The following ANP32A variants were observed in gnomAD, a reference collection of about 807,000 sequenced individuals.
ANP32A encodes acidic nuclear phosphoprotein 32 family member A.
ANP32A carries 1 observed loss-of-function variant against 33.9 expected under a neutral mutation model. The ratio of observed to expected loss-of-function variants is 0.03; its 90% CI spans 0.01 to 0.14. ANP32A has a LOEUF of 0.14. Among genes scored for constraint, ANP32A ranks in the 10% least tolerant of loss-of-function variants. The pLI is 1.00. For missense variants in ANP32A, 155 were observed against 306.0 expected (o/e 0.51, Z 3.68); for synonymous variants, 115 against 120.5 (o/e 0.95, Z 0.30).
chr15:68,790,829 T>C (rs1833590690), intron 1 of ANP32A: 1 of 152,216 alleles, frequency 6.6e-6, no homozygotes. Flanking sequence ...TTCTTGGCTG[T>C]GCTGGGGCTC....
At chr15:68,788,010 C>T (rs558415284) in intron 1 of ANP32A, 91 bp from the exon 2 acceptor site, 1 of 1,493,034 alleles carries the variant, frequency 6.7e-7, no homozygotes, top group East Asian at 2.3e-5. Context: ...AACAGGGAGA[C>T]AGACGCAGGA....
At chr15:68,786,930 C>T (rs1042906367) in intron 3 of ANP32A, among the ~76,000 whole-genome samples, 29 of 152,208 alleles carry the variant, frequency 1.9e-4, no homozygotes, top group African/African-American at 6.5e-4. Context: ...TCACACCACA[C>T]GGCTCTCAGT....
At chr15:68,786,074 C>T (rs902781480) in intron 3 of ANP32A, among the ~76,000 whole-genome samples, 2 of 152,080 alleles carry the variant, frequency 1.3e-5, no homozygotes, top group Non-Finnish European at 2.9e-5. Flanking sequence ...CAGCAAGTCC[C>T]GTGAGCATCC....
Position 68,802,472 on chromosome 15 carries a change from T to C in ANP32A, c.55-14553A>G, listed in dbSNP as rs181045403. On this transcript the variant is annotated intron_variant, in intron 1 of 6. Coordinates refer to ENST00000465139, the MANE Select transcript of ANP32A (RefSeq NM_006305.4). The stretch of plus-strand genomic sequence containing the variant: ...CTACATAGTGTGTCATCATTTTTCT[T>C]AACCAGTCTCTTATTGATGAGTATC... Among the ~76,000 whole-genome samples the C allele has an allele frequency of 2.4e-4, 37 of 152,348 alleles. 1 individual carries two copies. Among genetic ancestry groups the C allele is most frequent in the African/African-American group, 8.9e-4 (37 of 41,580 alleles).
intron 1 of ANP32A, chr15:68,818,229 C>G (rs904944068): frequency 8.1e-6 from 2 of 246,876 alleles, no homozygotes; most frequent in Non-Finnish European, 1.7e-5. Flanking sequence ...GCGTGCGGCG[C>G]GAGCCCCGGG....
chr15:68,793,293 G>A (rs559260418), intron 1 of ANP32A, among the ~76,000 whole-genome samples: 170 of 152,320 alleles, frequency 1.1e-3, no homozygotes, highest in Non-Finnish European at 2.0e-3. Flanking sequence ...ACAGTATGAC[G>A]AATAAATGTT....
At chr15:68,782,761 C>A in intron 5 of ANP32A, 195 bp downstream of exon 5, 1 of 1,015,452 alleles carries the variant, frequency 9.8e-7, no homozygotes, top group Non-Finnish European at 1.4e-6. Context: ...AATCCAGCCT[C>A]CCCAGAGCTT....
chr15:68,818,350 CG>C, intron 1 of ANP32A: 1 of 183,046 alleles, frequency 5.5e-6, no homozygotes, highest in Non-Finnish European at 1.2e-5. Flanking sequence ...GGCAGCGCGG[CG>C]GGGAGGGGCG....
At position 68,785,042 on chromosome 15, in the gene ANP32A, C is replaced by T. The variant is rs951847531; in HGVS notation, c.328-447G>A. The stretch of plus-strand genomic sequence containing the variant: ...CATCTGATAATGATGATGATAAGGG[C>T]GGTTAACATGGCACTTCATGTACTG... On this transcript the variant is annotated intron_variant, in intron 3 of 6. Transcript: ENST00000465139. Among the ~76,000 whole-genome samples the T allele has an allele frequency of 5.3e-5, 8 of 152,248 alleles. 1 individual carries two copies. The highest frequency in any genetic ancestry group is 1.9e-4 in the African/African-American group (8 of 41,540).
At chr15:68,786,943 T>C (rs1295196353) in intron 3 of ANP32A, among the ~76,000 whole-genome samples, 2 of 152,176 alleles carry the variant, frequency 1.3e-5, no homozygotes, top group African/African-American at 4.8e-5. Context: ...CTCTCAGTCA[T>C]TCCAGGGTTC....
intron 1 of ANP32A, among the ~76,000 whole-genome samples, chr15:68,800,758 G>A (rs71409171): frequency 0.038 from 2,574 of 66,888 alleles, 40 homozygotes; most frequent in Non-Finnish European, 0.064. Flanking sequence ...AAAAAAAAAA[G>A]AAAGAAAAGA....
chr15:68,818,760 T>C (rs1475589043), intron 1 of ANP32A, among the ~76,000 whole-genome samples: 2 of 151,102 alleles, frequency 1.3e-5, no homozygotes, highest in East Asian at 2.0e-4. Context: ...GGCCCCGCGC[T>C]TGGCGCCCTT....
chr15:68,788,809 C>G (rs925481525), intron 1 of ANP32A, among the ~76,000 whole-genome samples: 1 of 152,142 alleles, frequency 6.6e-6, no homozygotes, highest in South Asian at 2.1e-4. Flanking sequence ...TTGGAGGCAC[C>G]TCTGTGGCCC....
At chr15:68,806,968 G>A (rs922464137) in intron 1 of ANP32A, among the ~76,000 whole-genome samples, 2 of 152,242 alleles carry the variant, frequency 1.3e-5, no homozygotes, top group Non-Finnish European at 2.9e-5. Flanking sequence ...GAGTCACACT[G>A]GGCTCTGTAC....
chr15:68,812,404 T>A lies in ANP32A; in HGVS notation c.54+8294A>T, dbSNP rs1432220713. Among the ~76,000 whole-genome samples, 4 of 152,146 alleles carry A rather than the reference T, an allele frequency of 2.6e-5. 1 individual carries two copies. In the South Asian group the frequency reaches 8.3e-4, roughly 32 times the overall value. On this transcript the variant is annotated intron_variant, in intron 1 of 6. Transcript: ENST00000465139. ...GGGAACATGGCTGATGGGGGGCCAC[T>A]GGCACCAGGAACGTTGGAAGGCACC...
intron 3 of ANP32A, among the ~76,000 whole-genome samples, chr15:68,786,394 G>C (rs965694724): frequency 6.6e-5 from 10 of 151,730 alleles, no homozygotes; most frequent in Non-Finnish European, 1.5e-4. Context: ...CGAGTGGCTG[G>C]GACTACAGGC....
intron 1 of ANP32A, among the ~76,000 whole-genome samples, chr15:68,801,206 G>GGAAGAA (rs1555423696): frequency 1.4e-5 from 2 of 138,796 alleles, no homozygotes; most frequent in African/African-American, 5.6e-5. Context: ...CTGCCTTAAA[G>GGAAGAA]GAAGAAGAAG....
In ANP32A at chr15:68,779,932, C is replaced by CCCAA; in HGVS notation, c.*148_*149insTTGG. 1.6e-6 allele frequency: 1 copy of CCCAA among 623,420 alleles called. No individual in the cohort carries two copies. 38.6% of individuals were successfully genotyped at this position (623,420 alleles called of 1,614,324 possible). ...CCGCCATCCCTCCCCCCGCAACCCC[C>CCCAA]AGTACACTCTTCCCCTCTCGTTCCC... is the stretch of plus-strand genomic sequence containing the variant. On this transcript the variant is annotated 3_prime_UTR_variant, in exon 7 of 7. Transcript: ENST00000465139.
Position 68,813,868 on chromosome 15 carries a change from G to GTGT in ANP32A, c.54+6829_54+6830insACA, listed in dbSNP as rs1555424365. ...GAGTATCCTACACAATTTCCAGGAA[G>GTGT]TTTTTTTTTTTTTTTTTTTGAGACG... is the stretch of plus-strand genomic sequence containing the variant. On this transcript the variant is annotated intron_variant, in intron 1 of 6. Transcript: ENST00000465139. Among the ~76,000 whole-genome samples, 41 of 118,342 alleles carry GTGT rather than the reference G, an allele frequency of 3.5e-4. 1 individual carries two copies. The highest frequency in any genetic ancestry group is 8.8e-4 in the Admixed American group (9 of 10,218). The allele number at this position is 118,342 out of a possible 152,430, so 77.6% of individuals were successfully genotyped here. A position where few individuals can be genotyped will look rare whatever the true frequency, so the allele number is the denominator to read the frequency against.
Sources: gnomAD v4.1 joint callset for allele counts (sites outside exome capture counted in the v4.1 genomes callset) on GRCh38, gnomAD v4.1.1 for gene constraint, MANE v1.5 for transcripts, NCBI Gene and HGNC (gene_info 2026-07-23, HGNC 2026-07-21) for gene names.